The following CSMD3 variants were observed in gnomAD, a reference collection of about 807,000 sequenced individuals.
CSMD3 encodes CUB and sushi domain-containing protein 3.
A neutral mutation model predicts 435.2 loss-of-function variants in CSMD3; 177 were observed. The observed-to-expected ratio is 0.41, with a 90% CI of 0.36 to 0.46. The LOEUF (loss-of-function observed/expected upper bound fraction) is 0.46, where lower values mean the gene tolerates loss of function less well. Ranked by LOEUF, CSMD3 falls within the 20% of genes least tolerant of loss-of-function variation. The pLI is 0.34. For synonymous variants in CSMD3, 1,656 were observed against 1,520.5 expected, an observed-to-expected ratio of 1.09 and a Z score of -2.07; for missense variants, 4,265 against 4,504.6, an observed-to-expected ratio of 0.95 and a Z score of 1.52.
chr8:113,063,693 C>T (rs1353488160), intron 5 of CSMD3, among the ~76,000 whole-genome samples: 1 of 151,872 alleles, frequency 6.6e-6, no homozygotes, highest in Non-Finnish European at 1.5e-5. Context: ...TTGTTGGAAA[C>T]ATGTGCCTAC....
At chr8:112,300,893 C>T (rs1311601871) in intron 53 of CSMD3, among the ~76,000 whole-genome samples, 2 of 152,046 alleles carry the variant, frequency 1.3e-5, no homozygotes, top group African/African-American at 4.8e-5. Context: ...ACTTTTCTGC[C>T]ATGTGTCATA....
At chr8:113,275,580 T>C (rs1482050730) in intron 3 of CSMD3, among the ~76,000 whole-genome samples, 2 of 152,066 alleles carry the variant, frequency 1.3e-5, no homozygotes, top group African/African-American at 4.8e-5. Flanking sequence ...GTCTCATAAA[T>C]ACTAATACAC....
chr8:112,993,496 G>A (rs181757147), intron 6 of CSMD3, among the ~76,000 whole-genome samples: 13 of 151,826 alleles, frequency 8.6e-5, no homozygotes, highest in Non-Finnish European at 1.6e-4. Flanking sequence ...TGAGAGACAC[G>A]CATTTCTTGA....
intron 22 of CSMD3, among the ~76,000 whole-genome samples, chr8:112,631,424 GAT>G (rs2074511750): frequency 6.6e-6 from 1 of 151,916 alleles, no homozygotes; most frequent in Admixed American, 6.6e-5. Flanking sequence ...ATAAAAAAAC[GAT>G]AGTCTTCTAA....
At chr8:112,495,949 G>A (rs1203714494) in intron 30 of CSMD3, among the ~76,000 whole-genome samples, 1 of 151,394 alleles carries the variant, frequency 6.6e-6, no homozygotes, top group Non-Finnish European at 1.5e-5. Flanking sequence ...TACTATATAT[G>A]TTTTATTAGA....
At chr8:112,877,787 T>G (rs146928381) in intron 10 of CSMD3, among the ~76,000 whole-genome samples, 1,564 of 152,232 alleles carry the variant, frequency 0.01, 37 homozygotes, top group African/African-American at 0.036. Flanking sequence ...ATCTGATCTC[T>G]GACAAACCAG....
chr8:112,852,870 C>T (rs936364192), intron 11 of CSMD3, among the ~76,000 whole-genome samples: 8 of 151,844 alleles, frequency 5.3e-5, no homozygotes, highest in South Asian at 4.2e-4. Context: ...TGTAGTAAGC[C>T]GAGATCGTGC....
At chr8:113,258,494 A>G (rs1393877684) in intron 3 of CSMD3, among the ~76,000 whole-genome samples, 2 of 152,162 alleles carry the variant, frequency 1.3e-5, no homozygotes, top group Non-Finnish European at 2.9e-5. Context: ...AATCTGGCCA[A>G]TTGGATATAA....
At position 112,255,283 on chromosome 8, in the gene CSMD3, G is replaced by C. The variant is rs2130275103; in HGVS notation, c.10007C>G (p.Thr3336Ser). 2 of 1,613,544 alleles carry C rather than the reference G, an allele frequency of 1.2e-6. No homozygotes were observed. The highest frequency in any genetic ancestry group is 1.7e-6 in the Non-Finnish European group (2 of 1,179,666). ...SSTRICQADG[T>S]WSGSSPHCIE... ...GCAGTGAGGTGATGAACCACTCCAAGTGCCATCTGCTTGACATATTCTGGT... is the reference window on the plus strand; with the variant it reads ...GCAGTGAGGTGATGAACCACTCCAACTGCCATCTGCTTGACATATTCTGGT... Residue 3336 changes from threonine to serine, a missense_variant, in exon 62 of 71, where the codon ACT becomes AGT. Thr to Ser is a moderately conservative substitution (Grantham distance 58). Coordinates refer to ENST00000297405, the MANE Select transcript of CSMD3 (RefSeq NM_198123.2).
At chr8:112,231,810 A>G (rs1179630696) in intron 68 of CSMD3, among the ~76,000 whole-genome samples, 178 bp from the exon 69 acceptor site, 1 of 152,220 alleles carries the variant, frequency 6.6e-6, no homozygotes, top group African/African-American at 2.4e-5. Context: ...TAAAAGCAAA[A>G]GTAAATTTTC....
At chr8:113,376,614 A>G (rs948047418) in intron 1 of CSMD3, 4 of 1,081,058 alleles carry the variant, frequency 3.7e-6, no homozygotes, top group Non-Finnish European at 5.6e-6. Context: ...AATCCTCATC[A>G]AAAGAAAGTT....
Position 112,458,049 on chromosome 8 carries a change from A to T in CSMD3, c.5395+14542T>A, listed in dbSNP as rs564206119. Among the ~76,000 whole-genome samples the T allele has an allele frequency of 5.9e-5, 9 of 152,210 alleles. No individual in the cohort carries two copies. In the East Asian group the frequency reaches 1.5e-3, roughly 26 times the overall value. ...GCATTTTCAGTAAATACATATTGAG[A>T]TTTGTTTTAATGTGCAAAAAATTGT... On this transcript the variant is annotated intron_variant, in intron 32 of 70. Transcript: ENST00000297405.
At chr8:112,500,977 G>A (rs188655823) in intron 30 of CSMD3, among the ~76,000 whole-genome samples, 163 of 152,226 alleles carry the variant, frequency 1.1e-3, no homozygotes, top group Non-Finnish European at 1.7e-3. Context: ...CAGTCTGTGG[G>A]CCCTATGTAA....
At chr8:112,605,732 G>A (rs751143208) in intron 22 of CSMD3, among the ~76,000 whole-genome samples, 2 of 152,044 alleles carry the variant, frequency 1.3e-5, no homozygotes, top group Non-Finnish European at 1.5e-5. Context: ...AAACAGCCAT[G>A]ACATGCAATT....
rs185109734 is a variant in CSMD3 at position 112,696,525 on chromosome 8, T to C, written c.1973-6475A>G. Among the ~76,000 whole-genome samples, 477 of 152,180 alleles carry C rather than the reference T, an allele frequency of 3.1e-3. 1 individual carries two copies. Among genetic ancestry groups the C allele is most frequent in the African/African-American group, 9.8e-3 (406 of 41,518 alleles). On this transcript the variant is annotated intron_variant, in intron 13 of 70. Transcript: ENST00000297405. ...GCTGGGAAAACTGGCTAGCCATACA[T>C]AGAAAGCTGAAACTGGATCCCTTCC...
At chr8:112,359,340 T>C (rs780822732) in intron 38 of CSMD3, among the ~76,000 whole-genome samples, 1 of 152,208 alleles carries the variant, frequency 6.6e-6, no homozygotes, top group Non-Finnish European at 1.5e-5. Flanking sequence ...TACATTCTTT[T>C]TGGATACTTA....
intron 38 of CSMD3, among the ~76,000 whole-genome samples, chr8:112,372,827 T>C (rs1967104): frequency 0.39 from 59,490 of 150,856 alleles, 13,210 homozygotes; most frequent in Middle Eastern, 0.54. Flanking sequence ...CCAGCCTGGG[T>C]GACAGAGCGA....
intron 22 of CSMD3, among the ~76,000 whole-genome samples, chr8:112,599,535 C>T (rs1432841643): frequency 1.3e-5 from 2 of 152,032 alleles, no homozygotes; most frequent in South Asian, 2.1e-4. Flanking sequence ...ACACAAAGGA[C>T]TATAAATCAT....
chr8:112,707,234 G>T (rs1017844468), intron 13 of CSMD3, among the ~76,000 whole-genome samples: 1 of 151,790 alleles, frequency 6.6e-6, no homozygotes, highest in Non-Finnish European at 1.5e-5. Context: ...ATATAATTTT[G>T]TATATCTATA....
Sources: gnomAD v4.1 joint callset for allele counts (sites outside exome capture counted in the v4.1 genomes callset) on GRCh38, gnomAD v4.1.1 for gene constraint, MANE v1.5 for transcripts, NCBI Gene and HGNC (gene_info 2026-07-23, HGNC 2026-07-21) for gene names.